HPCAL1: variants seen among roughly 807,000 people sequenced by gnomAD.
HPCAL1 encodes the protein hippocalcin-like protein 1.
A neutral mutation model predicts 17.1 loss-of-function variants in HPCAL1; 8 were observed. The ratio of observed to expected loss-of-function variants is 0.47; its 90% confidence interval spans 0.27 to 0.84. The LOEUF (loss-of-function observed/expected upper bound fraction) is 0.84. Among genes scored for constraint, HPCAL1 ranks in the 40% least tolerant of loss-of-function variants. The pLI is 0.13. For synonymous variants in HPCAL1, 112 were observed against 111.4 expected (o/e 1.01, Z -0.03); for missense variants, 165 against 271.1 (o/e 0.61, Z 2.75).
chr2:10,371,061 G>T (rs1667173202), intron 1 of HPCAL1, among the ~76,000 whole-genome samples: 1 of 152,182 alleles, frequency 6.6e-6, no homozygotes, highest in African/African-American at 2.4e-5. Flanking sequence ...CAGTGACCTG[G>T]CATGGAGCAA....
rs572291780 is a variant in HPCAL1, at chr2:10,359,541, G to A, written c.-110-37294G>A. Among the ~76,000 whole-genome samples, 58 of 152,310 alleles carry A rather than the reference G, an allele frequency of 3.8e-4. No individual in the cohort carries two copies. The highest frequency in any genetic ancestry group is 1.4e-3 in the African/African-American group (57 of 41,574). On this transcript the variant is annotated intron_variant, in intron 1 of 4. Transcript: ENST00000307845. This position sits in a 1 kb window ranked among gnomAD's most constrained non-coding sequence, Gnocchi z 4.1. ...ACATTTCTCCCACCCTCTGTCCCTC[G>A]GGGACCCCACTTCCCAGGTGGCCTG...
chr2:10,338,175 G>C (rs1173690378), intron 1 of HPCAL1, among the ~76,000 whole-genome samples: 2 of 152,240 alleles, frequency 1.3e-5, no homozygotes, highest in Non-Finnish European at 2.9e-5. Context: ...TGCAGGGAGT[G>C]GGGAGGAGGG....
chr2:10,325,830 C>T (rs564521845), intron 1 of HPCAL1, among the ~76,000 whole-genome samples: 10 of 152,332 alleles, frequency 6.6e-5, no homozygotes, highest in Admixed American at 3.3e-4. Context: ...GGCCCAGCTG[C>T]GGCCAATTAG....
At chr2:10,361,629 G>A (rs958739898) in intron 1 of HPCAL1, among the ~76,000 whole-genome samples, 30 of 152,050 alleles carry the variant, frequency 2.0e-4, no homozygotes, top group African/African-American at 6.3e-4. Flanking sequence ...TAAGGCGACT[G>A]TTATCTTTTG....
intron 1 of HPCAL1, among the ~76,000 whole-genome samples, chr2:10,360,775 T>C (rs2125487234): frequency 6.6e-6 from 1 of 152,166 alleles, no homozygotes; most frequent in South Asian, 2.1e-4. Context: ...GCCATTTTCC[T>C]GGTGAGGCCT....
chr2:10,356,290 A>G (rs1666149546), intron 1 of HPCAL1, among the ~76,000 whole-genome samples: 1 of 152,188 alleles, frequency 6.6e-6, no homozygotes, highest in South Asian at 2.1e-4. Context: ...GCAGCATGAG[A>G]GTGTTAAAGG....
intron 2 of HPCAL1, among the ~76,000 whole-genome samples, chr2:10,397,734 A>G (rs998955427): frequency 6.8e-6 from 1 of 147,318 alleles, no homozygotes; most frequent in African/African-American, 2.7e-5. Flanking sequence ...CCAGCTCCCG[A>G]GACAGGAAGG....
At position 10,404,407 on chromosome 2, in the gene HPCAL1, C is replaced by T. The variant is rs535260084; in HGVS notation, c.-25+7487C>T. On this transcript the variant is annotated intron_variant, in intron 2 of 4. Transcript: ENST00000307845. ...CCCCGCTGAGCTCAGGTATCAGCCCCAGCGCTCTGGGTAAGTCTGGGACCA... is the reference window on the plus strand; with the variant it reads ...CCCCGCTGAGCTCAGGTATCAGCCCTAGCGCTCTGGGTAAGTCTGGGACCA... 6.6e-5 allele frequency among the ~76,000 whole-genome samples: 10 copies of T among 152,348 alleles called. No homozygotes were observed. The South Asian group carries it at 1.2e-3, about 19-fold the overall frequency.
chr2:10,329,886 G>A (rs1280839813), intron 1 of HPCAL1, among the ~76,000 whole-genome samples: 2 of 152,216 alleles, frequency 1.3e-5, no homozygotes, highest in Non-Finnish European at 2.9e-5. Context: ...TTTTTCTAAA[G>A]AAGAGACAGC....
rs563482570 is a variant in HPCAL1, at chr2:10,345,021, C to A, written c.-111+41844C>A. Among the ~76,000 whole-genome samples the A allele has an allele frequency of 4.0e-5, 6 of 151,550 alleles. No individual in the cohort carries two copies. The East Asian group carries it at 1.2e-3, about 29-fold the overall frequency. ...TCTGTGCCTTTCAGTCTCTTTCTGC[C>A]TCTCTCTATGTGTCTGTTTCTCTCT... On this transcript the variant is annotated intron_variant, in intron 1 of 4. Transcript: ENST00000307845.
intron 1 of HPCAL1, among the ~76,000 whole-genome samples, chr2:10,324,703 G>C (rs1312601502): frequency 6.7e-6 from 1 of 149,974 alleles, no homozygotes; most frequent in African/African-American, 2.5e-5. Context: ...CTCTTGGCTA[G>C]TGGCTAGTGA....
At chr2:10,316,006 CA>C (rs1201180973) in intron 1 of HPCAL1, among the ~76,000 whole-genome samples, 4 of 150,510 alleles carry the variant, frequency 2.7e-5, no homozygotes, top group Non-Finnish European at 4.4e-5. Context: ...GACTTGCTCT[CA>C]AAAAAAAACA....
intron 1 of HPCAL1, among the ~76,000 whole-genome samples, chr2:10,312,714 C>T (rs1458613985): frequency 6.6e-6 from 1 of 152,090 alleles, no homozygotes; most frequent in Admixed American, 6.5e-5. Context: ...CCATCATCAT[C>T]ACCATCACCA....
At chr2:10,356,863 C>A (rs1012654506) in intron 1 of HPCAL1, among the ~76,000 whole-genome samples, 6 of 152,218 alleles carry the variant, frequency 3.9e-5, no homozygotes, top group African/African-American at 1.4e-4. Context: ...GGCCACCCAT[C>A]TCCAAATCCC....
intron 1 of HPCAL1, among the ~76,000 whole-genome samples, chr2:10,375,256 A>G (rs1008957995): frequency 6.6e-6 from 1 of 152,194 alleles, no homozygotes; most frequent in Non-Finnish European, 1.5e-5. Flanking sequence ...CATATCTACT[A>G]TTTTACAACC....
At chr2:10,308,390 C>T (rs1662756259) in intron 1 of HPCAL1, among the ~76,000 whole-genome samples, 1 of 152,116 alleles carries the variant, frequency 6.6e-6, no homozygotes, top group African/African-American at 2.4e-5. Context: ...TCCATCACCC[C>T]AGAAAGATCC....
At chr2:10,369,746 C>T (rs1405589766) in intron 1 of HPCAL1, among the ~76,000 whole-genome samples, 1 of 152,136 alleles carries the variant, frequency 6.6e-6, no homozygotes, top group Non-Finnish European at 1.5e-5. Context: ...GTCACCAGGT[C>T]CTTATTAATC....
At chr2:10,407,907 C>G (rs938239969) in intron 2 of HPCAL1, among the ~76,000 whole-genome samples, 1 of 152,204 alleles carries the variant, frequency 6.6e-6, no homozygotes, top group African/African-American at 2.4e-5. Flanking sequence ...TAGAAAAACG[C>G]TGTTAGAATT....
rs149756895 is a variant in HPCAL1, at chr2:10,426,811, G to A, written c.572G>A (p.Ser191Asn). The change falls in exon 5 of 5, where the codon AGT (serine) becomes AAT (asparagine). Residue 191 changes from serine to asparagine, a missense_variant. Coordinates refer to ENST00000307845, the MANE Select transcript of HPCAL1 (RefSeq NM_002149.4). ...CTGCAGTGCGACCCCAGCAGTGCCA[G>A]TCAGTTCTGAGCGAGCGGCCCCTGG... Reference protein sequence around the residue: ...RLLQCDPSSASQF With the variant: ...RLLQCDPSSANQF The A allele has an allele frequency of 1.1e-4, 178 of 1,613,052 alleles. No individual in the cohort carries two copies. In the African/African-American group the frequency reaches 2.2e-3, roughly 20 times the overall value.
Sources: allele counts gnomAD v4.1 joint callset (sites outside exome capture counted in the v4.1 genomes callset), GRCh38; gene constraint gnomAD v4.1.1; non-coding constraint Gnocchi (gnomAD v3.1); transcripts MANE v1.5; gene names NCBI Gene and HGNC (gene_info 2026-07-23, HGNC 2026-07-21).